GRM1: variants seen among roughly 807,000 people sequenced by gnomAD.
GRM1 encodes glutamate metabotropic receptor 1.
Under a neutral mutation model 90.9 loss-of-function variants are expected in GRM1, and 33 were observed. The ratio of observed to expected loss-of-function variants is 0.36; its 90% CI spans 0.28 to 0.49. GRM1 has a LOEUF of 0.49. Among genes scored for constraint, GRM1 ranks in the 20% least tolerant of loss-of-function variants. The pLI, the probability that GRM1 is intolerant of heterozygous loss-of-function variation, is 0.99. For missense variants in GRM1, 1,190 were observed against 1,534.3 expected, an observed-to-expected ratio of 0.78 and a Z score of 3.75; for synonymous variants, 700 against 613.2, an observed-to-expected ratio of 1.14 and a Z score of -2.09.
At chr6:146,050,521 A>G (rs1261354822) in intron 1 of GRM1, among the ~76,000 whole-genome samples, 2 of 152,104 alleles carry the variant, frequency 1.3e-5, no homozygotes, top group Non-Finnish European at 2.9e-5. Flanking sequence ...GAACAATTCT[A>G]TAATTAAAAG....
chr6:146,281,172 G>A (rs1244170842), intron 2 of GRM1, among the ~76,000 whole-genome samples: 2 of 152,098 alleles, frequency 1.3e-5, no homozygotes, highest in African/African-American at 4.8e-5. Context: ...ATGGTAATTT[G>A]TTTTGAGCCT....
chr6:146,418,553 A>G (rs1777869430), intron 7 of GRM1, among the ~76,000 whole-genome samples: 1 of 151,468 alleles, frequency 6.6e-6, no homozygotes. Flanking sequence ...CATACACACT[A>G]TTTTTACTAT....
At chr6:146,424,859 ATTAC>A (rs1006432636) in intron 7 of GRM1, among the ~76,000 whole-genome samples, 3 of 152,190 alleles carry the variant, frequency 2.0e-5, no homozygotes, top group African/African-American at 7.2e-5. Context: ...CATTTTACAT[ATTAC>A]TTCCCACTAC....
intron 1 of GRM1, among the ~76,000 whole-genome samples, chr6:146,092,369 C>T (rs1193843911): frequency 2.0e-5 from 3 of 152,064 alleles, no homozygotes; most frequent in Admixed American, 6.6e-5. Context: ...ACATACAGTC[C>T]GTAACATCAA....
intron 3 of GRM1, among the ~76,000 whole-genome samples, chr6:146,322,167 G>A (rs1489513837): frequency 1.3e-5 from 2 of 152,168 alleles, no homozygotes; most frequent in Admixed American, 1.3e-4. Context: ...TCTGCTGCAG[G>A]TCTGCTGGAG....
intron 3 of GRM1, among the ~76,000 whole-genome samples, chr6:146,343,211 G>A (rs1785043977): frequency 6.6e-6 from 1 of 152,118 alleles, no homozygotes; most frequent in Non-Finnish European, 1.5e-5. Flanking sequence ...AAAAGAAAAA[G>A]CGACATTCTC....
At chr6:146,164,082 AT>A (rs5880667) in intron 2 of GRM1, among the ~76,000 whole-genome samples, 37,747 of 151,614 alleles carry the variant, frequency 0.25, 8,186 homozygotes, top group African/African-American at 0.59. Flanking sequence ...TAATTCTTAA[AT>A]TTTTTTTTAT....
chr6:146,340,158 T>C (rs1784918727), intron 3 of GRM1, among the ~76,000 whole-genome samples: 1 of 152,206 alleles, frequency 6.6e-6, no homozygotes, highest in African/African-American at 2.4e-5. Context: ...TAGAGAAGCT[T>C]CTGTTAATGG....
chr6:146,234,482 A>AT (rs1010373438), intron 2 of GRM1, among the ~76,000 whole-genome samples: 7 of 150,442 alleles, frequency 4.7e-5, no homozygotes, highest in Non-Finnish European at 5.9e-5. Context: ...ATCTGTCTGA[A>AT]TTTTTTTTTA....
At chr6:146,270,360 A>G (rs1255835749) in intron 2 of GRM1, among the ~76,000 whole-genome samples, 3 of 152,180 alleles carry the variant, frequency 2.0e-5, no homozygotes, top group African/African-American at 7.2e-5. Context: ...ATGTCTGTAA[A>G]TCTTTTATTA....
intron 2 of GRM1, among the ~76,000 whole-genome samples, chr6:146,205,192 G>A (rs1190506873): frequency 6.6e-6 from 1 of 152,112 alleles, no homozygotes; most frequent in Admixed American, 6.5e-5. Context: ...CAAAGATTTT[G>A]TTAGAAAATG....
chr6:146,360,773 G>T (rs1213048261), intron 5 of GRM1, among the ~76,000 whole-genome samples: 1 of 152,150 alleles, frequency 6.6e-6, no homozygotes, highest in African/African-American at 2.4e-5. Flanking sequence ...TACCAACTAT[G>T]CAAGGATTAA....
intron 2 of GRM1, among the ~76,000 whole-genome samples, chr6:146,169,668 T>C (rs1778030316): frequency 6.6e-6 from 1 of 152,194 alleles, no homozygotes; most frequent in African/African-American, 2.4e-5. Flanking sequence ...TCCCCCGCCC[T>C]GTTCTGCAGC....
rs150344268 is a variant in GRM1, at chr6:146,238,151, C to T, written c.951-66460C>T. The stretch of plus-strand genomic sequence containing the variant: ...GCAACAAGCAAAACGAAAAACACAA[C>T]GTAGGAAATATTGTTCACATTTCCA... On this transcript the variant is annotated intron_variant, in intron 2 of 7. Transcript: ENST00000282753. Among the ~76,000 whole-genome samples, 138 of 152,138 alleles carry T rather than the reference C, an allele frequency of 9.1e-4. 1 individual carries two copies. The highest frequency in any genetic ancestry group is 2.9e-3 in the African/African-American group (121 of 41,510).
intron 1 of GRM1, among the ~76,000 whole-genome samples, chr6:146,090,357 T>C (rs1776674727): frequency 6.6e-6 from 1 of 152,110 alleles, no homozygotes; most frequent in African/African-American, 2.4e-5. Context: ...TTTAGTACTA[T>C]TTACCTATTC....
intron 3 of GRM1, among the ~76,000 whole-genome samples, chr6:146,319,997 C>G (rs1365320694): frequency 2.6e-5 from 4 of 152,152 alleles, no homozygotes; most frequent in Non-Finnish European, 4.4e-5. Flanking sequence ...ACTTCCAATA[C>G]TACGTTGAAT....
intron 1 of GRM1, among the ~76,000 whole-genome samples, chr6:146,109,234 T>G (rs1238508061): frequency 6.6e-6 from 1 of 152,052 alleles, no homozygotes; most frequent in Non-Finnish European, 1.5e-5. Flanking sequence ...CAGTTCCAGA[T>G]GCTTAGAAGG....
rs918610911 is a variant in GRM1, at chr6:146,029,396, T to C, written c.-122T>C. 16 of 815,674 alleles carry C rather than the reference T, an allele frequency of 2.0e-5. No individual in the cohort carries two copies. The highest frequency in any genetic ancestry group is 1.9e-4 in the African/African-American group (11 of 59,382). 50.5% of individuals were successfully genotyped at this position (815,674 alleles called of 1,614,324 possible). ...AGGCAAAGGCCTTGGACGACCATTG[T>C]TGGCGAGGGGCACCACTCCGGGAGA... On this transcript the variant is annotated 5_prime_UTR_variant, in exon 1 of 8. Transcript: ENST00000282753.
At position 146,266,500 on chromosome 6, in the gene GRM1, T is replaced by A. The variant is rs949588560; in HGVS notation, c.951-38111T>A. Among the ~76,000 whole-genome samples the A allele has an allele frequency of 3.3e-5, 5 of 152,290 alleles. No homozygotes were observed. In the East Asian group the frequency reaches 9.7e-4, roughly 29 times the overall value. On this transcript the variant is annotated intron_variant, in intron 2 of 7. Transcript: ENST00000282753. ...AATTAATCATCCAACAAGAATGAAT[T>A]GTCTGTCGTTCTTCAGTCTTTTCTT...
Sources: allele counts gnomAD v4.1 joint callset (sites outside exome capture counted in the v4.1 genomes callset), GRCh38; gene constraint gnomAD v4.1.1; transcripts MANE v1.5; gene names NCBI Gene and HGNC (gene_info 2026-07-23, HGNC 2026-07-21).